ARHGEF3: variants seen among roughly 807,000 people sequenced by gnomAD.
ARHGEF3 encodes Rho guanine nucleotide exchange factor 3.
Under a neutral mutation model 63.2 loss-of-function variants are expected in ARHGEF3, and 28 were observed. The ratio of observed to expected loss-of-function variants is 0.44; its 90% CI spans 0.33 to 0.61. The LOEUF (loss-of-function observed/expected upper bound fraction) is 0.61, where lower values mean the gene tolerates loss of function less well. Ranked by LOEUF, ARHGEF3 falls within the 20% of genes least tolerant of loss-of-function variation. The pLI, the probability that ARHGEF3 is intolerant of heterozygous loss-of-function variation, is 0.03. For synonymous variants in ARHGEF3, 266 were observed against 254.2 expected (o/e 1.05, Z -0.44); for missense variants, 533 against 659.3 (o/e 0.81, Z 2.10).
intron 2 of ARHGEF3, among the ~76,000 whole-genome samples, chr3:56,987,842 C>T (rs1701603407): frequency 6.6e-6 from 1 of 152,188 alleles, no homozygotes; most frequent in Non-Finnish European, 1.5e-5. Context: ...TCTTCCTTTT[C>T]AATTTTCAAG....
intron 8 of ARHGEF3, among the ~76,000 whole-genome samples, chr3:56,735,759 G>A (rs1452488486): frequency 6.6e-6 from 1 of 152,122 alleles, no homozygotes; most frequent in Non-Finnish European, 1.5e-5. Context: ...ACAGACACAC[G>A]TCTTCAAGCA....
In ARHGEF3 at chr3:57,042,671, TATATATATATATATATATATATA is replaced by T. The variant is rs1328365952; in HGVS notation, c.-27-7518_-27-7496del. Among the ~76,000 whole-genome samples, 80 of 22,636 alleles carry T rather than the reference TATATATATATATATATATATATA, an allele frequency of 3.5e-3. 4 individuals are homozygous for T. Among genetic ancestry groups the T allele is most frequent in the African/African-American group, 9.9e-3 (75 of 7,544 alleles). 14.9% of individuals were successfully genotyped at this position (22,636 alleles called of 152,430 possible). On this transcript the variant is annotated intron_variant, in intron 1 of 12. Transcript: ENST00000338458. ...ACATAAATATATATATATATATATA[TATATATATATATATATATATATA>T]TATATATTTTTTTTTTTTTTTAGAC...
At chr3:57,045,799 T>G (rs1007968822) in intron 1 of ARHGEF3, among the ~76,000 whole-genome samples, 1 of 152,194 alleles carries the variant, frequency 6.6e-6, no homozygotes, top group African/African-American at 2.4e-5. Flanking sequence ...AATGGTCTTG[T>G]GCCAGTTTTT....
At chr3:56,868,042 T>C (rs1246042172) in intron 4 of ARHGEF3, among the ~76,000 whole-genome samples, 1 of 152,170 alleles carries the variant, frequency 6.6e-6, no homozygotes, top group South Asian at 2.1e-4. Flanking sequence ...CTTCTACTAA[T>C]AACAATGTAC....
intron 6 of ARHGEF3, among the ~76,000 whole-genome samples, chr3:56,745,785 C>T (rs1237585931): frequency 1.3e-5 from 2 of 152,144 alleles, no homozygotes; most frequent in Non-Finnish European, 2.9e-5. Flanking sequence ...CATTCTCCTG[C>T]CTCAGCCTCC....
At chr3:56,867,066 A>G (rs1158411451) in intron 4 of ARHGEF3, among the ~76,000 whole-genome samples, 1 of 152,224 alleles carries the variant, frequency 6.6e-6, no homozygotes. Flanking sequence ...AGGTCTCTTC[A>G]GGTAGACCTT....
intron 1 of ARHGEF3, among the ~76,000 whole-genome samples, chr3:57,042,700 A>ATATTTT (rs1704272727): frequency 1.5e-5 from 1 of 66,122 alleles, no homozygotes; most frequent in Non-Finnish European, 2.9e-5. Context: ...ATATATATAT[A>ATATTTT]TTTTTTTTTT....
chr3:57,074,873 T>C (rs187948626), intron 1 of ARHGEF3: 1 of 167,564 alleles, frequency 6.0e-6, no homozygotes, highest in Non-Finnish European at 1.5e-5. Flanking sequence ...ACCCTGTAAA[T>C]GTAGGTACCA....
chr3:57,001,229 T>C (rs774282701), intron 2 of ARHGEF3, among the ~76,000 whole-genome samples: 7 of 152,252 alleles, frequency 4.6e-5, no homozygotes, highest in Non-Finnish European at 8.8e-5. Context: ...CATGAGCCAC[T>C]GTGCCAGGTC....
Position 56,728,999 on chromosome 3 carries a change from G to A in ARHGEF3, c.*271C>T, listed in dbSNP as rs368458693. The A allele has an allele frequency of 2.8e-6, 1 of 355,206 alleles. No homozygotes were observed. The highest frequency in any genetic ancestry group is 2.1e-5 in the African/African-American group (1 of 48,204). 22.0% of individuals were successfully genotyped at this position (355,206 alleles called of 1,614,324 possible). On this transcript the variant is annotated 3_prime_UTR_variant, in exon 10 of 10. Coordinates refer to ENST00000296315, the MANE Select transcript of ARHGEF3 (RefSeq NM_019555.3). ...TTTCTATTTTTTTAAAATCCAGCAGGACAACTGAAAGTAACTTGTTTGAGT... is the reference window on the plus strand; with the variant it reads ...TTTCTATTTTTTTAAAATCCAGCAGAACAACTGAAAGTAACTTGTTTGAGT...
At chr3:56,854,541 G>A (rs1360961090) in intron 4 of ARHGEF3, among the ~76,000 whole-genome samples, 1 of 152,148 alleles carries the variant, frequency 6.6e-6, no homozygotes, top group Non-Finnish European at 1.5e-5. Flanking sequence ...CAGAAAGGAG[G>A]CAGGCAGATC....
intron 1 of ARHGEF3, among the ~76,000 whole-genome samples, chr3:57,057,354 G>A (rs985379771): frequency 2.6e-5 from 4 of 152,072 alleles, no homozygotes; most frequent in Admixed American, 2.0e-4. Flanking sequence ...CAAGTGATCC[G>A]ACTGCCTTGG....
intron 6 of ARHGEF3, among the ~76,000 whole-genome samples, chr3:56,749,552 A>G (rs1443892148): frequency 1.3e-5 from 2 of 152,156 alleles, no homozygotes; most frequent in African/African-American, 4.8e-5. Flanking sequence ...GAAGTTTAAG[A>G]GACACTGAGG....
intron 2 of ARHGEF3, among the ~76,000 whole-genome samples, chr3:56,997,376 G>T (rs993808737): frequency 5.3e-5 from 8 of 152,166 alleles, no homozygotes; most frequent in Non-Finnish European, 1.2e-4. Flanking sequence ...CCATGGCCTG[G>T]AAGACAGTCG....
Position 56,801,812 on chromosome 3 carries a change from C to T in ARHGEF3, c.-14G>A. Reference sequence around the variant, plus strand: ...CTTGGCCACCATGGCGGCTGCCGGGCCTGCCCTTTGGGATGTCACCGCTGA... The same window carrying T: ...CTTGGCCACCATGGCGGCTGCCGGGTCTGCCCTTTGGGATGTCACCGCTGA... On this transcript the variant is annotated 5_prime_UTR_variant, in exon 1 of 10. Coordinates refer to ENST00000296315, the MANE Select transcript of ARHGEF3 (RefSeq NM_019555.3). The T allele has an allele frequency of 6.4e-7, 1 of 1,555,430 alleles. No homozygotes were observed. The highest frequency in any genetic ancestry group is 8.7e-7 in the Non-Finnish European group (1 of 1,148,618).
intron 3 of ARHGEF3, among the ~76,000 whole-genome samples, chr3:56,947,314 T>C (rs1352481773): frequency 6.6e-6 from 1 of 152,184 alleles, no homozygotes; most frequent in Non-Finnish European, 1.5e-5. Flanking sequence ...AATGCTCCAA[T>C]TAAAAGACAC....
chr3:56,759,209 G>A (rs989422780), intron 2 of ARHGEF3, among the ~76,000 whole-genome samples: 2 of 131,762 alleles, frequency 1.5e-5, no homozygotes, highest in African/African-American at 2.8e-5. Context: ...ATGGAGTCTC[G>A]CTCTGTCGCC....
At chr3:56,815,153 T>TA (rs766433521) in intron 4 of ARHGEF3, among the ~76,000 whole-genome samples, 2,224 of 133,438 alleles carry the variant, frequency 0.017, 43 homozygotes, top group African/African-American at 0.053. Context: ...CTAAAAAAAT[T>TA]AAAAAAAAAA....
chr3:56,821,961 T>TTGAGA (rs2038511828), intron 4 of ARHGEF3, among the ~76,000 whole-genome samples: 2 of 105,612 alleles, frequency 1.9e-5, no homozygotes, highest in African/African-American at 3.5e-5. Flanking sequence ...AGACTCTGTC[T>TTGAGA]CGAGAAGAGA....
Sources: gnomAD v4.1 joint callset for allele counts (sites outside exome capture counted in the v4.1 genomes callset) on GRCh38, gnomAD v4.1.1 for gene constraint, MANE v1.5 for transcripts, NCBI Gene and HGNC (gene_info 2026-07-23, HGNC 2026-07-21) for gene names.